Variants in USP54 observed in about 807,000 individuals in gnomAD.
USP54 encodes ubiquitin carboxyl-terminal hydrolase 54.
In USP54, 87 loss-of-function variants were observed where a neutral mutation model predicts 170.5. The ratio of observed to expected loss-of-function variants is 0.51; its 90% CI spans 0.43 to 0.61. USP54 has a LOEUF of 0.61. Ranked by LOEUF, USP54 falls within the 20% of genes least tolerant of loss-of-function variation. The probability of loss-of-function intolerance (pLI) is 0.00; values close to 1 mark genes in which losing one functional copy is unlikely to be tolerated. For synonymous variants in USP54, 655 were observed against 742.8 expected, an observed-to-expected ratio of 0.88 and a Z score of 1.92; for missense variants, 1,786 against 2,047.8, an observed-to-expected ratio of 0.87 and a Z score of 2.47.
At chr10:73,609,298 G>GCCTTT (rs1244938966) in intron 1 of USP54, among the ~76,000 whole-genome samples, 3 of 152,204 alleles carry the variant, frequency 2.0e-5, no homozygotes, top group African/African-American at 7.2e-5. Context: ...ATCCAAGACA[G>GCCTTT]GATGTACCAT....
chr10:73,604,277 C>CA (rs573585783), intron 1 of USP54, among the ~76,000 whole-genome samples: 45 of 151,658 alleles, frequency 3.0e-4, no homozygotes, highest in Middle Eastern at 3.4e-3. Flanking sequence ...ACACACAAAA[C>CA]AAAAAAAACA....
intron 3 of USP54, 98 bp downstream of exon 3, chr10:73,575,414 C>G: frequency 7.5e-7 from 1 of 1,332,392 alleles, no homozygotes; most frequent in Non-Finnish European, 9.8e-7. Context: ...TAACCTCAAA[C>G]AGAGACTATC....
intron 1 of USP54, among the ~76,000 whole-genome samples, chr10:73,624,190 A>ATATG (rs1554955697): frequency 8.7e-6 from 1 of 114,754 alleles, no homozygotes; most frequent in African/African-American, 3.2e-5. Flanking sequence ...ATATATATAT[A>ATATG]TATATGTATT....
At chr10:73,608,563 A>G (rs1423318470) in intron 1 of USP54, among the ~76,000 whole-genome samples, 1 of 152,172 alleles carries the variant, frequency 6.6e-6, no homozygotes, top group Non-Finnish European at 1.5e-5. Context: ...GGTTATTATT[A>G]TCCTAATCTC....
intron 12 of USP54, 140 bp downstream of exon 12, chr10:73,534,460 C>A: frequency 1.2e-6 from 1 of 866,532 alleles, no homozygotes; most frequent in Non-Finnish European, 1.7e-6. Context: ...GATCCACCCA[C>A]CTTGGCCGCC....
At chr10:73,539,135 C>T (rs1442000211) in intron 10 of USP54, among the ~76,000 whole-genome samples, 1 of 151,460 alleles carries the variant, frequency 6.6e-6, no homozygotes, top group Non-Finnish European at 1.5e-5. Context: ...AAAAATTAGC[C>T]AGGTGTGGTA....
At chr10:73,541,964 C>T in intron 7 of USP54, 2 of 539,426 alleles carry the variant, frequency 3.7e-6, no homozygotes, top group South Asian at 4.7e-5. Context: ...CTGGCCAGTA[C>T]TGAGCCTAAG....
intron 1 of USP54, among the ~76,000 whole-genome samples, chr10:73,583,346 C>G (rs902697345): frequency 1.2e-4 from 18 of 152,130 alleles, no homozygotes; most frequent in African/African-American, 4.3e-4. Context: ...AGTAAAATGG[C>G]GCGATCTTGG....
chr10:73,590,875 C>T (rs2078166085), intron 1 of USP54, among the ~76,000 whole-genome samples: 1 of 152,080 alleles, frequency 6.6e-6, no homozygotes, highest in Non-Finnish European at 1.5e-5. Context: ...CTACTTTAAC[C>T]AGTATGTTAA....
chr10:73,503,100 C>A (rs2058457443), intron 22 of USP54, among the ~76,000 whole-genome samples: 1 of 152,144 alleles, frequency 6.6e-6, no homozygotes, highest in Non-Finnish European at 1.5e-5. Flanking sequence ...CCATAATATT[C>A]TTTGTATCCT....
chr10:73,538,417 G>C (rs572898705), intron 10 of USP54: 1 of 151,890 alleles, frequency 6.6e-6, no homozygotes, highest in South Asian at 2.1e-4. Flanking sequence ...TTAGACCTTC[G>C]AGTGCTGACC....
intron 4 of USP54, among the ~76,000 whole-genome samples, chr10:73,566,742 C>CA (rs1222103397): frequency 2.0e-5 from 3 of 151,198 alleles, no homozygotes; most frequent in East Asian, 3.9e-4. Context: ...AAAAAACAAA[C>CA]AAAAAAACAA....
At chr10:73,606,891 A>G (rs918223587) in intron 1 of USP54, among the ~76,000 whole-genome samples, 1 of 150,068 alleles carries the variant, frequency 6.7e-6, no homozygotes, top group Non-Finnish European at 1.5e-5. Context: ...AAAAAAAAAA[A>G]AAAAAAGAAA....
At chr10:73,534,372 AATTTTTTTTTTGTAT>A (rs749465248) in intron 12 of USP54, among the ~76,000 whole-genome samples, 1 of 151,630 alleles carries the variant, frequency 6.6e-6, no homozygotes, top group Admixed American at 6.6e-5. Context: ...ATGCCCAACT[AATTTTTTTTTTGTAT>A]TTTTAGTAGA....
In USP54 at chr10:73,539,598, G is replaced by A. The variant is rs752515135; in HGVS notation, c.826-5C>T. 1 of 1,583,482 alleles carries A rather than the reference G, an allele frequency of 6.3e-7. No homozygotes were observed. Among genetic ancestry groups the A allele is most frequent in the South Asian group, 1.2e-5 (1 of 86,128 alleles). The stretch of plus-strand genomic sequence containing the variant: ...ATCCGTCACTCTGAAAAACAGCTGA[G>A]GGGAAAGAAGAGAAAAGAAAGCACA... On this transcript the variant is annotated splice_region_variant and splice_polypyrimidine_tract_variant and intron_variant, in intron 9 of 23. Transcript: ENST00000687698.
chr10:73,509,479 G>A (rs1447188816), intron 20 of USP54, among the ~76,000 whole-genome samples: 1 of 151,576 alleles, frequency 6.6e-6, no homozygotes, highest in Non-Finnish European at 1.5e-5. Flanking sequence ...GCCAGGCGTG[G>A]TGGCGCGTGC....
At chr10:73,509,492 G>T (rs1313289586) in intron 20 of USP54, among the ~76,000 whole-genome samples, 2 of 151,252 alleles carry the variant, frequency 1.3e-5, no homozygotes, top group African/African-American at 4.9e-5. Flanking sequence ...GCGCGTGCCT[G>T]TAATCCCAGC....
chr10:73,617,251 G>T (rs1254542294), intron 1 of USP54, among the ~76,000 whole-genome samples: 2 of 149,900 alleles, frequency 1.3e-5, no homozygotes, highest in African/African-American at 5.1e-5. Context: ...AGCTGAGATC[G>T]CACCATTGCA....
intron 9 of USP54, among the ~76,000 whole-genome samples, chr10:73,540,750 G>GA (rs1374238215): frequency 1.3e-5 from 2 of 152,062 alleles, no homozygotes; most frequent in Non-Finnish European, 2.9e-5. Flanking sequence ...AGGCACTGGT[G>GA]AAAAATGGAG....
Sources: gnomAD v4.1 joint callset for allele counts (sites outside exome capture counted in the v4.1 genomes callset) on GRCh38, gnomAD v4.1.1 for gene constraint, MANE v1.5 for transcripts, NCBI Gene and HGNC (gene_info 2026-07-23, HGNC 2026-07-21) for gene names.